The following HIPK2 variants were observed in gnomAD, a reference collection of about 807,000 sequenced individuals.
HIPK2 encodes homeodomain-interacting protein kinase 2.
A neutral mutation model predicts 113.7 loss-of-function variants in HIPK2; 27 were observed. The ratio of observed to expected loss-of-function variants is 0.24; its 90% confidence interval spans 0.17 to 0.33. The LOEUF (loss-of-function observed/expected upper bound fraction) is 0.33, where lower values mean the gene tolerates loss of function less well. HIPK2 is among the 10% of genes least tolerant of loss of function. HIPK2 has a pLI of 1.00. For missense variants in HIPK2, 1,257 were observed against 1,588.0 expected (o/e 0.79, Z 3.54); for synonymous variants, 631 against 642.2 (o/e 0.98, Z 0.26).
chr7:139,593,327 C>T lies in HIPK2; in HGVS notation c.2717+3390G>A, dbSNP rs150900529. 6.0e-4 allele frequency among the ~76,000 whole-genome samples: 92 copies of T among 152,246 alleles called. No individual in the cohort carries two copies. The East Asian group carries it at 0.012, about 20-fold the overall frequency. Reference sequence around the variant, plus strand: ...CCATCAAATGATGGAGGAGCTAGTGCGGGTGGAACACCCAGTGCATGTTTG... The same window carrying T: ...CCATCAAATGATGGAGGAGCTAGTGTGGGTGGAACACCCAGTGCATGTTTG... On this transcript the variant is annotated intron_variant, in intron 12 of 14. Coordinates refer to ENST00000406875, the MANE Select transcript of HIPK2 (RefSeq NM_022740.5).
At chr7:139,679,503 AAATACC>A (rs1202683435) in intron 2 of HIPK2, among the ~76,000 whole-genome samples, 65 of 152,296 alleles carry the variant, frequency 4.3e-4, no homozygotes, top group African/African-American at 1.4e-3. Context: ...ATATGCTCAG[AAATACC>A]AATCTTTAAA....
chr7:139,630,245 T>A lies in HIPK2; in HGVS notation c.1347+920A>T, dbSNP rs185673427. 1.3e-5 allele frequency among the ~76,000 whole-genome samples: 2 copies of A among 152,224 alleles called. No homozygotes were observed. Among genetic ancestry groups the A allele is most frequent in the Admixed American group, 1.3e-4 (2 of 15,290 alleles). ...AAGCCCCTGCCCCCGGAGTTTCAGG[T>A]TTATGGTTACTTGTGTGAACCAGAC... is the stretch of plus-strand genomic sequence containing the variant. On this transcript the variant is annotated intron_variant, in intron 4 of 14. Coordinates refer to ENST00000406875, the MANE Select transcript of HIPK2 (RefSeq NM_022740.5). This position sits in a 1 kb window ranked among gnomAD's most constrained non-coding sequence, Gnocchi z 4.0.
At chr7:139,765,935 C>A (rs1382406737) in intron 1 of HIPK2, among the ~76,000 whole-genome samples, 3 of 152,238 alleles carry the variant, frequency 2.0e-5, no homozygotes, top group African/African-American at 4.8e-5. Flanking sequence ...ACCACCTTAT[C>A]TTTCAAGAAA....
chr7:139,579,160 A>G (rs753324512), intron 13 of HIPK2, among the ~76,000 whole-genome samples: 10 of 152,334 alleles, frequency 6.6e-5, no homozygotes, highest in Non-Finnish European at 1.0e-4. Flanking sequence ...CAGAGCCCCA[A>G]CTCTAAAGCA....
In HIPK2 at chr7:139,718,914, C is replaced by T. The variant is rs556156980; in HGVS notation, c.20-1899G>A. ...ACATCTTAATCCATCTCCCCCAACT[C>T]GTTAATGCACTATAGGCTCCTGTTC... On this transcript the variant is annotated intron_variant, in intron 1 of 14. Coordinates refer to ENST00000406875, the MANE Select transcript of HIPK2 (RefSeq NM_022740.5). Among the ~76,000 whole-genome samples the T allele has an allele frequency of 1.1e-4, 17 of 152,298 alleles. No individual in the cohort carries two copies. In the South Asian group the frequency reaches 3.5e-3, roughly 32 times the overall value.
In HIPK2 at chr7:139,570,754, G is replaced by A. The variant is rs993259394; in HGVS notation, c.*2173C>T. ...GTAAAGGGAGGGAGGATGAGGATGG[G>A]GCCGCTGACTCGGGAAAGATCTCTT... On this transcript the variant is annotated 3_prime_UTR_variant, in exon 15 of 15. Transcript: ENST00000406875. 6.6e-6 allele frequency: 1 copy of A among 152,586 alleles called. No individual in the cohort carries two copies. The highest frequency in any genetic ancestry group is 6.5e-5 in the Admixed American group (1 of 15,280). The allele number at this position is 152,586 out of a possible 1,614,324, so 9.5% of individuals were successfully genotyped here. A position where few individuals can be genotyped will look rare whatever the true frequency, so the allele number is the denominator to read the frequency against.
At chr7:139,775,860 A>C (rs1796732762) in intron 1 of HIPK2, among the ~76,000 whole-genome samples, 1 of 152,188 alleles carries the variant, frequency 6.6e-6, no homozygotes, top group African/African-American at 2.4e-5. Flanking sequence ...CTTTCCACAA[A>C]GTTGACAAAA....
intron 2 of HIPK2, among the ~76,000 whole-genome samples, chr7:139,669,671 T>C (rs1802192928): frequency 6.6e-6 from 1 of 152,066 alleles, no homozygotes; most frequent in South Asian, 2.1e-4. Context: ...GGGGACACAT[T>C]AAGTGATGAA....
At chr7:139,587,881 AAAAT>A (rs746012292) in intron 12 of HIPK2, among the ~76,000 whole-genome samples, 4 of 152,246 alleles carry the variant, frequency 2.6e-5, no homozygotes, top group African/African-American at 4.8e-5. Flanking sequence ...CACTCTAAAG[AAAAT>A]AAATAAATAA....
At position 139,613,095 on chromosome 7, in the gene HIPK2, C is replaced by T; in HGVS notation, c.2112+107G>A. 1 of 1,310,172 alleles carries T rather than the reference C, an allele frequency of 7.6e-7. No homozygotes were observed. Among genetic ancestry groups the T allele is most frequent in the Non-Finnish European group, 1.1e-6 (1 of 948,052 alleles). The allele number at this position is 1,310,172 out of a possible 1,614,324, so 81.2% of individuals were successfully genotyped here. A position where few individuals can be genotyped will look rare whatever the true frequency, so the allele number is the denominator to read the frequency against. ...ACAGATACATTCCAATGACTAGAAGCACCTAACTCATTACTAGGGAGAGAG... is the reference window on the plus strand; with the variant it reads ...ACAGATACATTCCAATGACTAGAAGTACCTAACTCATTACTAGGGAGAGAG... On this transcript the variant is annotated intron_variant, in intron 9 of 14. Coordinates refer to ENST00000406875, the MANE Select transcript of HIPK2 (RefSeq NM_022740.5). This position sits in a 1 kb window ranked among gnomAD's most constrained non-coding sequence, Gnocchi z 4.2.
intron 1 of HIPK2, among the ~76,000 whole-genome samples, chr7:139,729,909 T>G (rs1027824335): frequency 6.6e-6 from 1 of 152,202 alleles, no homozygotes; most frequent in Admixed American, 6.5e-5. Context: ...TTTCAGCCAC[T>G]TCCTAACATG....
At chr7:139,647,498 G>C (rs941493472) in intron 2 of HIPK2, among the ~76,000 whole-genome samples, 5 of 152,070 alleles carry the variant, frequency 3.3e-5, no homozygotes, top group African/African-American at 4.8e-5. Context: ...CTGATAATAA[G>C]GATTTCAATG....
At chr7:139,635,779 A>G (rs117356300) in intron 2 of HIPK2, among the ~76,000 whole-genome samples, 263 of 152,356 alleles carry the variant, frequency 1.7e-3, no homozygotes, top group Non-Finnish European at 3.4e-3. Context: ...ACAGAAAGAC[A>G]CAGACATAAA....
At position 139,567,484 on chromosome 7, in the gene HIPK2, C is replaced by G. The variant is rs906747540; in HGVS notation, c.*5443G>C. ...GATGTCATTATTGCCTGGAAAGGAA[C>G]GAAGGGAAGGCCATTTTGTCCATTT... On this transcript the variant is annotated 3_prime_UTR_variant, in exon 15 of 15. Coordinates refer to ENST00000406875, the MANE Select transcript of HIPK2 (RefSeq NM_022740.5). 2.0e-5 allele frequency: 3 copies of G among 151,580 alleles called. No homozygotes were observed. The highest frequency in any genetic ancestry group is 7.3e-5 in the African/African-American group (3 of 41,198). The allele number at this position is 151,580 out of a possible 1,614,324, so 9.4% of individuals were successfully genotyped here.
intron 2 of HIPK2, among the ~76,000 whole-genome samples, chr7:139,675,771 T>G (rs988185649): frequency 1.1e-4 from 17 of 152,124 alleles, no homozygotes; most frequent in African/African-American, 4.1e-4. Context: ...TCTAGTGACA[T>G]GAACTGGGAC....
At position 139,732,321 on chromosome 7, in the gene HIPK2, A is replaced by G. The variant is rs1369402315; in HGVS notation, c.20-15306T>C. On this transcript the variant is annotated intron_variant, in intron 1 of 14. Transcript: ENST00000406875. ...TGGTCTGTTGCAAGGACATTTTTCTACTGTGAGTCACTGTCATCAAGCCAG... is the reference window on the plus strand; with the variant it reads ...TGGTCTGTTGCAAGGACATTTTTCTGCTGTGAGTCACTGTCATCAAGCCAG... Among the ~76,000 whole-genome samples, 4 of 152,272 alleles carry G rather than the reference A, an allele frequency of 2.6e-5. No homozygotes were observed. The South Asian group carries it at 8.3e-4, about 32-fold the overall frequency.
intron 1 of HIPK2, among the ~76,000 whole-genome samples, chr7:139,759,857 AAAAC>A (rs1320664498): frequency 3.3e-5 from 5 of 152,216 alleles, no homozygotes; most frequent in Non-Finnish European, 5.9e-5. Context: ...AAAAAGAAAA[AAAAC>A]AAAGTTCACA....
chr7:139,686,460 C>T (rs749829066), intron 2 of HIPK2, among the ~76,000 whole-genome samples: 45 of 152,244 alleles, frequency 3.0e-4, no homozygotes, highest in South Asian at 6.2e-4. Context: ...TCCCATCATC[C>T]CCAAGTGTTG....
chr7:139,724,775 T>C (rs1795521112), intron 1 of HIPK2, among the ~76,000 whole-genome samples: 1 of 145,030 alleles, frequency 6.9e-6, no homozygotes, highest in African/African-American at 2.5e-5. Context: ...AGTGAGAACA[T>C]GCGGTGTTTG....
Sources: allele counts gnomAD v4.1 joint callset (sites outside exome capture counted in the v4.1 genomes callset), GRCh38; gene constraint gnomAD v4.1.1; non-coding constraint Gnocchi (gnomAD v3.1); transcripts MANE v1.5; gene names NCBI Gene and HGNC (gene_info 2026-07-23, HGNC 2026-07-21).